MFAP3L: variants seen among roughly 807,000 people sequenced by gnomAD.
The protein encoded by MFAP3L is microfibril associated protein 3 like.
Under a neutral mutation model 20.0 loss-of-function variants are expected in MFAP3L, and 5 were observed. The observed-to-expected ratio is 0.25, with a 90% CI of 0.13 to 0.53. MFAP3L has a LOEUF of 0.53. MFAP3L is among the 20% of genes least tolerant of loss of function. The pLI is 0.96. For synonymous variants in MFAP3L, 219 were observed against 213.0 expected, an observed-to-expected ratio of 1.03 and a Z score of -0.25; for missense variants, 409 against 527.5, an observed-to-expected ratio of 0.78 and a Z score of 2.20.
chr4:169,992,220 T>C lies in MFAP3L; in HGVS notation c.388A>G (p.Ile130Val), dbSNP rs754706345. The C allele has an allele frequency of 1.2e-6, 2 of 1,614,082 alleles. No homozygotes were observed. The highest frequency in any genetic ancestry group is 2.2e-5 in the East Asian group (1 of 44,854). The change falls in exon 3 of 3, where the codon ATC (isoleucine) becomes GTC (valine). Residue 130 changes from isoleucine to valine, a missense_variant. Physicochemically the swap from Ile to Val is conservative, Grantham distance 29. Transcript: ENST00000361618. This position sits in a 1 kb window ranked among gnomAD's most constrained non-coding sequence, Gnocchi z 4.3. The part of the protein sequence containing the change: ...RGKYTCVASN[I>V]YGTVNNTVTL... The stretch of plus-strand genomic sequence containing the variant: ...ACCGTGTTGTTCACGGTGCCGTAGA[T>C]GTTAGAAGCCACACACGTGTATTTA...
chr4:170,027,210 CCTT>C (rs1010237612), upstream of MFAP3L: 19 of 147,922 alleles, frequency 1.3e-4, no homozygotes, highest in African/African-American at 3.7e-4. Context: ...TTCTTCTCCT[CCTT>C]ATCTCCCTTT....
intron 2 of MFAP3L, chr4:169,993,637 G>C (rs927822590): frequency 6.6e-6 from 1 of 151,836 alleles, no homozygotes; most frequent in Non-Finnish European, 1.5e-5. Flanking sequence ...GAAGCGGGAC[G>C]TGTCAATGAG....
intron 1 of MFAP3L, among the ~76,000 whole-genome samples, chr4:170,012,120 G>C (rs1487695615): frequency 1.3e-5 from 2 of 152,172 alleles, no homozygotes; most frequent in Non-Finnish European, 2.9e-5. Flanking sequence ...TGTTTACAAA[G>C]ATCAGCTTGA....
chr4:169,996,933 C>A (rs1019530394), intron 2 of MFAP3L, among the ~76,000 whole-genome samples: 4 of 152,120 alleles, frequency 2.6e-5, no homozygotes, highest in Non-Finnish European at 4.4e-5. Context: ...ACACATTTAG[C>A]CCAGTTAAGA....
intron 1 of MFAP3L, among the ~76,000 whole-genome samples, chr4:170,011,465 T>A (rs112594663): frequency 1.3e-5 from 2 of 152,194 alleles, no homozygotes; most frequent in African/African-American, 4.8e-5. Context: ...TCTTGATGCC[T>A]CTAATCACAC....
intron 1 of MFAP3L, among the ~76,000 whole-genome samples, chr4:170,018,959 C>A (rs941820268): frequency 3.3e-5 from 5 of 152,202 alleles, no homozygotes; most frequent in Non-Finnish European, 7.3e-5. Context: ...AGCTGAGAAG[C>A]AAGAACGCTC....
At chr4:170,015,412 A>G (rs574376661) in intron 1 of MFAP3L, among the ~76,000 whole-genome samples, 1 of 152,322 alleles carries the variant, frequency 6.6e-6, no homozygotes, top group Admixed American at 6.5e-5. Context: ...TGCACTGCTA[A>G]AAATTCCATT....
At chr4:170,019,712 T>G (rs1739911115) in intron 1 of MFAP3L, among the ~76,000 whole-genome samples, 1 of 152,200 alleles carries the variant, frequency 6.6e-6, no homozygotes, top group Non-Finnish European at 1.5e-5. Flanking sequence ...TCTAACCCAT[T>G]TATTTCCTCA....
intron 1 of MFAP3L, among the ~76,000 whole-genome samples, chr4:170,019,752 T>C (rs992532753): frequency 6.6e-6 from 1 of 152,302 alleles, no homozygotes; most frequent in Admixed American, 6.5e-5. Context: ...ACGATCTTCC[T>C]CACACCATCA....
chr4:170,018,736 CA>C (rs1394494596), intron 1 of MFAP3L, among the ~76,000 whole-genome samples: 1 of 151,534 alleles, frequency 6.6e-6, no homozygotes, highest in Non-Finnish European at 1.5e-5. Context: ...GAGCTGGACT[CA>C]AAGACCAAGT....
intron 2 of MFAP3L, chr4:170,002,137 A>G (rs912684268): frequency 3.1e-6 from 3 of 979,974 alleles, no homozygotes; most frequent in Non-Finnish European, 3.6e-6. Flanking sequence ...TGACCTTGCT[A>G]TCGGTAGTGA....
intron 2 of MFAP3L, among the ~76,000 whole-genome samples, chr4:169,996,774 G>C (rs182362780): frequency 3.9e-5 from 6 of 152,160 alleles, no homozygotes; most frequent in Admixed American, 3.9e-4. Flanking sequence ...AGGAGACCTG[G>C]AGCCCCGCCT....
At chr4:170,009,585 G>A (rs1739251175) in intron 1 of MFAP3L, among the ~76,000 whole-genome samples, 3 of 151,948 alleles carry the variant, frequency 2.0e-5, no homozygotes. Flanking sequence ...CAAAACCAGG[G>A]CTTAACAAAA....
At position 169,992,441 on chromosome 4, in the gene MFAP3L, T is replaced by C; in HGVS notation, c.299-132A>G. On this transcript the variant is annotated intron_variant, in intron 2 of 2. Transcript: ENST00000361618. The surrounding 1 kb of genome is among the most constrained non-coding windows in gnomAD (Gnocchi z 4.3). ...GAAGTCTATGAACGTCGACTTCACATGCTTACTATGCGGCAGGCAGTGACA... is the reference window on the plus strand; with the variant it reads ...GAAGTCTATGAACGTCGACTTCACACGCTTACTATGCGGCAGGCAGTGACA... 2.6e-6 allele frequency: 2 copies of C among 755,552 alleles called. No individual in the cohort carries two copies. Among genetic ancestry groups the C allele is most frequent in the Non-Finnish European group, 2.1e-6 (1 of 471,636 alleles). The allele number at this position is 755,552 out of a possible 1,614,324, so 46.8% of individuals were successfully genotyped here. A position where few individuals can be genotyped will look rare whatever the true frequency, so the allele number is the denominator to read the frequency against.
rs143519005 is a variant in MFAP3L, at chr4:170,007,161, A to C, written c.-133-1151T>G. Among the ~76,000 whole-genome samples the C allele has an allele frequency of 6.0e-3, 919 of 152,284 alleles. 12 individuals carry two copies. The highest frequency in any genetic ancestry group is 0.021 in the African/African-American group (869 of 41,550). ...CAGATCATATTTTTTTTCAGTAGGAAAGAAAAGAGTTTTGTTTTGCCATAG... is the reference window on the plus strand; with the variant it reads ...CAGATCATATTTTTTTTCAGTAGGACAGAAAAGAGTTTTGTTTTGCCATAG... On this transcript the variant is annotated intron_variant, in intron 1 of 2. Transcript: ENST00000361618.
chr4:169,991,648 T>C lies in MFAP3L; in HGVS notation c.960A>G (p.Ser320=). The change falls in exon 3 of 3, where the codon TCA becomes TCG. Residue 320 remains serine (S), a synonymous_variant. Transcript: ENST00000361618. This position sits in a 1 kb window ranked among gnomAD's most constrained non-coding sequence, Gnocchi z 4.9. ...EQPQQIAIKV[S]VHPQSKKEHA... is the part of the protein sequence containing the mutation. ...GCTCTTTTTTGGACTGCGGGTGAAC[T>C]GACACCTTGATGGCAATTTGCTGAG... The C allele has an allele frequency of 6.2e-7, 1 of 1,614,198 alleles. No individual in the cohort carries two copies. Among genetic ancestry groups the C allele is most frequent in the Non-Finnish European group, 8.5e-7 (1 of 1,180,034 alleles).
chr4:170,002,034 CCTT>C (rs757251235), intron 2 of MFAP3L: 25 of 985,346 alleles, frequency 2.5e-5, no homozygotes, highest in African/African-American at 7.0e-5. Context: ...GCAGTGTGCT[CCTT>C]GAGTGACTCA....
intron 1 of MFAP3L, among the ~76,000 whole-genome samples, chr4:170,025,890 C>T (rs1730351791): frequency 6.6e-6 from 1 of 152,198 alleles, no homozygotes; most frequent in Non-Finnish European, 1.5e-5. Context: ...AAAGCCCCCA[C>T]GGCTGTTCGG....
chr4:170,002,267 C>A, intron 2 of MFAP3L: 1 of 985,158 alleles, frequency 1.0e-6, no homozygotes, highest in Non-Finnish European at 1.2e-6. Context: ...AGAATGAATA[C>A]CCGCTGGCCA....
Sources: gnomAD v4.1 joint callset for allele counts (sites outside exome capture counted in the v4.1 genomes callset) on GRCh38, gnomAD v4.1.1 for gene constraint, Gnocchi (gnomAD v3.1) non-coding constraint, MANE v1.5 for transcripts, NCBI Gene and HGNC (gene_info 2026-07-23, HGNC 2026-07-21) for gene names.